RALYL: variants seen among roughly 807,000 people sequenced by gnomAD.
RALYL encodes RALY RNA binding protein like, also known as RNA-binding Raly-like protein.
RALYL carries 29 observed loss-of-function variants against 35.1 expected under a neutral mutation model. The ratio of observed to expected loss-of-function variants is 0.83; its 90% CI spans 0.61 to 1.13. The LOEUF is 1.13. RALYL is among the 50% of genes most tolerant of loss of function. The probability of loss-of-function intolerance (pLI) is 0.00; values close to 1 mark genes in which losing one functional copy is unlikely to be tolerated. For synonymous variants in RALYL, 120 were observed against 127.6 expected (o/e 0.94, Z 0.40); for missense variants, 359 against 360.4 (o/e 1.00, Z 0.03).
rs961993156 is a variant in RALYL at position 84,442,528 on chromosome 8, A to T, written c.-23-86771A>T. Among the ~76,000 whole-genome samples the T allele has an allele frequency of 1.8e-4, 27 of 152,096 alleles. 1 individual carries two copies. The highest frequency in any genetic ancestry group is 1.8e-3 in the Admixed American group (27 of 15,266). ...AAAACCAAATAAGACCTAGTTCCTA[A>T]CTTCAAGGTGCTTACAGTCAAAGAT... On this transcript the variant is annotated intron_variant, in intron 1 of 8. Coordinates refer to ENST00000521268, the MANE Select transcript of RALYL (RefSeq NM_173848.7).
At chr8:84,816,482 A>C (rs1405137721) in intron 4 of RALYL, among the ~76,000 whole-genome samples, 1 of 152,142 alleles carries the variant, frequency 6.6e-6, no homozygotes, top group Non-Finnish European at 1.5e-5. Flanking sequence ...GAGGATGCTT[A>C]TTACATTGGT....
intron 2 of RALYL, among the ~76,000 whole-genome samples, chr8:84,660,726 A>G (rs1437642444): frequency 6.6e-6 from 1 of 151,998 alleles, no homozygotes; most frequent in African/African-American, 2.4e-5. Context: ...ATTGTTATCA[A>G]AAAGCAAGTT....
At chr8:84,430,765 T>G (rs888497229) in intron 1 of RALYL, among the ~76,000 whole-genome samples, 1 of 152,154 alleles carries the variant, frequency 6.6e-6, no homozygotes, top group Non-Finnish European at 1.5e-5. Context: ...AATAAAAATA[T>G]GTAAATTATT....
chr8:84,728,191 C>G (rs867820309), intron 2 of RALYL, among the ~76,000 whole-genome samples: 1 of 151,228 alleles, frequency 6.6e-6, no homozygotes, highest in African/African-American at 2.5e-5. Context: ...TGGTATCTCA[C>G]TGTGGTTTTG....
chr8:84,504,530 A>G (rs2056995776), intron 1 of RALYL, among the ~76,000 whole-genome samples: 1 of 152,164 alleles, frequency 6.6e-6, no homozygotes, highest in African/African-American at 2.4e-5. Context: ...AATATTCTAA[A>G]AATATTAATT....
chr8:84,770,531 G>A (rs900123773), intron 2 of RALYL, among the ~76,000 whole-genome samples: 3 of 150,104 alleles, frequency 2.0e-5, no homozygotes, highest in South Asian at 2.1e-4. Flanking sequence ...TATCTTTTTC[G>A]TATAATGACT....
chr8:84,328,436 C>T (rs377655226), intron 1 of RALYL, among the ~76,000 whole-genome samples: 25 of 152,228 alleles, frequency 1.6e-4, no homozygotes, highest in African/African-American at 5.8e-4. Flanking sequence ...TGCTGCATTA[C>T]CTTTGTCCTT....
intron 1 of RALYL, among the ~76,000 whole-genome samples, chr8:84,261,023 C>T (rs577212696): frequency 5.9e-5 from 9 of 151,320 alleles, no homozygotes; most frequent in East Asian, 2.0e-4. Context: ...ATTGTTTAAC[C>T]GTTTTTGCTG....
intron 1 of RALYL, among the ~76,000 whole-genome samples, chr8:84,369,652 C>A (rs566731653): frequency 3.3e-4 from 50 of 152,152 alleles, no homozygotes; most frequent in Admixed American, 1.4e-3. Flanking sequence ...AACAACCCAG[C>A]ATTTTAATGC....
At chr8:84,386,565 A>C (rs2131688025) in intron 1 of RALYL, among the ~76,000 whole-genome samples, 1 of 151,952 alleles carries the variant, frequency 6.6e-6, no homozygotes, top group East Asian at 2.0e-4. Context: ...TTTGAAGATA[A>C]GGACACTGAA....
At chr8:84,497,857 G>A (rs369716658) in intron 1 of RALYL, among the ~76,000 whole-genome samples, 2 of 151,508 alleles carry the variant, frequency 1.3e-5, no homozygotes, top group East Asian at 1.9e-4. Flanking sequence ...TAGACAGGAT[G>A]TTCTCGATCT....
chr8:84,907,016 G>A (rs763349847), intron 8 of RALYL: 169 of 974,520 alleles, frequency 1.7e-4, no homozygotes, highest in Non-Finnish European at 1.9e-4. Flanking sequence ...CCTTTGGAAA[G>A]CTGGTAAGAA....
At chr8:84,253,832 C>G (rs1050113375) in intron 1 of RALYL, among the ~76,000 whole-genome samples, 2 of 152,126 alleles carry the variant, frequency 1.3e-5, no homozygotes, top group Non-Finnish European at 2.9e-5. Flanking sequence ...GAAAAGCACT[C>G]TCACAGTTTT....
rs552934410 is a variant in RALYL at position 84,722,407 on chromosome 8, G to C, written c.257-52172G>C. Among the ~76,000 whole-genome samples, 3 of 151,794 alleles carry C rather than the reference G, an allele frequency of 2.0e-5. No individual in the cohort carries two copies. In the South Asian group the frequency reaches 6.2e-4, roughly 32 times the overall value. ...GAGATGATTAGAACACCAGGGTAAA[G>C]TGGCCAAGGTCATAGGGTTGAGCTG... On this transcript the variant is annotated intron_variant, in intron 2 of 8. Coordinates refer to ENST00000521268, the MANE Select transcript of RALYL (RefSeq NM_173848.7).
intron 4 of RALYL, among the ~76,000 whole-genome samples, chr8:84,822,872 G>A (rs1234243673): frequency 2.0e-5 from 3 of 152,082 alleles, no homozygotes; most frequent in East Asian, 1.9e-4. Context: ...TTTATTTCCA[G>A]TATCTTTATT....
At chr8:84,813,068 C>G (rs540726317) in intron 4 of RALYL, among the ~76,000 whole-genome samples, 45 of 152,316 alleles carry the variant, frequency 3.0e-4, no homozygotes, top group African/African-American at 1.0e-3. Flanking sequence ...CTTGAAGACC[C>G]AGCGAGCTCC....
At chr8:84,276,909 T>C (rs1417347519) in intron 1 of RALYL, among the ~76,000 whole-genome samples, 1 of 152,232 alleles carries the variant, frequency 6.6e-6, no homozygotes, top group Non-Finnish European at 1.5e-5. Flanking sequence ...AAACATATTG[T>C]CATCATTCTG....
intron 4 of RALYL, among the ~76,000 whole-genome samples, chr8:84,819,189 G>T (rs948497959): frequency 6.6e-6 from 1 of 151,928 alleles, no homozygotes; most frequent in African/African-American, 2.4e-5. Flanking sequence ...TTTACCAACT[G>T]CATTTGCTTC....
chr8:84,677,565 A>G (rs926840861), intron 2 of RALYL, among the ~76,000 whole-genome samples: 2 of 152,206 alleles, frequency 1.3e-5, no homozygotes, highest in African/African-American at 4.8e-5. Context: ...TGTACCTATA[A>G]CATATTCTAT....
Sources: allele counts gnomAD v4.1 joint callset (sites outside exome capture counted in the v4.1 genomes callset), GRCh38; gene constraint gnomAD v4.1.1; transcripts MANE v1.5; gene names NCBI Gene and HGNC (gene_info 2026-07-23, HGNC 2026-07-21).